Variants in MGLL observed in about 807,000 individuals in gnomAD.
The protein encoded by MGLL is lysophospholipase homolog.
MGLL carries 7 observed loss-of-function variants against 29.1 expected under a neutral mutation model. The ratio of observed to expected loss-of-function variants is 0.24; its 90% CI spans 0.14 to 0.45. The LOEUF is 0.45. MGLL is among the 20% of genes least tolerant of loss of function. The pLI, the probability that MGLL is intolerant of heterozygous loss-of-function variation, is 0.99. For missense variants in MGLL, 356 were observed against 413.6 expected, an observed-to-expected ratio of 0.86 and a Z score of 1.21; for synonymous variants, 148 against 168.3, an observed-to-expected ratio of 0.88 and a Z score of 0.93.
rs377047796 is a variant in MGLL at position 127,722,583 on chromosome 3, G to A, written c.263-17C>T. On this transcript the variant is annotated splice_polypyrimidine_tract_variant and intron_variant, in intron 3 of 7. Transcript: ENST00000265052. The stretch of plus-strand genomic sequence containing the variant: ...CGTGGCCAACTGGAAAGGAACGGGA[G>A]ATGAGAGAGAGCTGCAGTTACCAGG... 4 of 1,614,126 alleles carry A rather than the reference G, an allele frequency of 2.5e-6. No homozygotes were observed. Among genetic ancestry groups the A allele is most frequent in the Non-Finnish European group, 2.5e-6 (3 of 1,180,044 alleles).
At chr3:127,724,737 C>A (rs945048020) in intron 3 of MGLL, among the ~76,000 whole-genome samples, 1 of 152,158 alleles carries the variant, frequency 6.6e-6, no homozygotes, top group African/African-American at 2.4e-5. Context: ...AAGGCAACAC[C>A]AGGGCTGCCC....
chr3:127,764,771 C>T (rs1256846133), intron 3 of MGLL, among the ~76,000 whole-genome samples: 2 of 152,134 alleles, frequency 1.3e-5, no homozygotes, highest in African/African-American at 4.8e-5. Flanking sequence ...TGACTGGAGT[C>T]AAATCAGGTT....
intron 3 of MGLL, among the ~76,000 whole-genome samples, chr3:127,742,591 A>G (rs1251005981): frequency 3.5e-5 from 3 of 85,884 alleles, no homozygotes; most frequent in Non-Finnish European, 8.3e-5. Context: ...CTCCGTCCCA[A>G]AAAAAAAAAA....
At chr3:127,737,479 T>C (rs918670888) in intron 3 of MGLL, among the ~76,000 whole-genome samples, 1 of 150,876 alleles carries the variant, frequency 6.6e-6, no homozygotes, top group Admixed American at 6.6e-5. Context: ...ACTCAATAAA[T>C]GCCCACTGCC....
chr3:127,763,849 C>T (rs1258367306), intron 3 of MGLL, among the ~76,000 whole-genome samples: 1 of 152,176 alleles, frequency 6.6e-6, no homozygotes, highest in Non-Finnish European at 1.5e-5. Flanking sequence ...CCTCAAGGAG[C>T]AGCTAAGTTT....
chr3:127,786,111 G>A (rs1346595028), intron 2 of MGLL, among the ~76,000 whole-genome samples: 2 of 152,160 alleles, frequency 1.3e-5, no homozygotes, highest in African/African-American at 2.4e-5. Context: ...CAGCCCCAGG[G>A]GCAGCAGTGG....
At chr3:127,789,958 A>AT (rs2077273061) in intron 2 of MGLL, among the ~76,000 whole-genome samples, 2 of 152,214 alleles carry the variant, frequency 1.3e-5, no homozygotes, top group African/African-American at 4.8e-5. Context: ...CAAGCTATGT[A>AT]TTTTTTTATT....
chr3:127,725,856 A>C (rs1459327302), intron 3 of MGLL, among the ~76,000 whole-genome samples: 1 of 152,148 alleles, frequency 6.6e-6, no homozygotes, highest in Non-Finnish European at 1.5e-5. Context: ...GCTTGAGGCC[A>C]AGAGTTCACA....
chr3:127,774,741 G>A (rs1295830085), intron 3 of MGLL, among the ~76,000 whole-genome samples: 1 of 150,836 alleles, frequency 6.6e-6, no homozygotes, highest in Non-Finnish European at 1.5e-5. Context: ...AGCACCCCCA[G>A]GGGCTGTTAG....
chr3:127,817,989 C>G (rs1483269882), intron 2 of MGLL, among the ~76,000 whole-genome samples: 2 of 152,236 alleles, frequency 1.3e-5, no homozygotes, highest in Non-Finnish European at 2.9e-5. Flanking sequence ...GAGATGGAGT[C>G]TTGCTCTGTC....
chr3:127,730,907 C>T (rs1285226671), intron 3 of MGLL, among the ~76,000 whole-genome samples: 2 of 152,198 alleles, frequency 1.3e-5, no homozygotes, highest in East Asian at 3.9e-4. Context: ...CCCATGTCTG[C>T]CAGGGCCGTC....
At chr3:127,764,415 C>T (rs2076820831) in intron 3 of MGLL, among the ~76,000 whole-genome samples, 2 of 152,160 alleles carry the variant, frequency 1.3e-5, no homozygotes, top group South Asian at 4.1e-4. Flanking sequence ...GTACAGATAT[C>T]AAGGCCATAT....
rs182756160 is a variant in MGLL at position 127,787,479 on chromosome 3, G to C, written c.156-5584C>G. On this transcript the variant is annotated intron_variant, in intron 2 of 7. Coordinates refer to ENST00000265052, the MANE Select transcript of MGLL (RefSeq NM_007283.7). The stretch of plus-strand genomic sequence containing the variant: ...CCTGCCCTTGTCGAAGCAATGCCAG[G>C]CTCCCTTAAAGGAAGAACGGAATGC... Among the ~76,000 whole-genome samples, 5 of 152,340 alleles carry C rather than the reference G, an allele frequency of 3.3e-5. No individual in the cohort carries two copies. The East Asian group carries it at 7.7e-4, about 24-fold the overall frequency.
At chr3:127,731,333 TTTATTA>T (rs140919604) in intron 3 of MGLL, among the ~76,000 whole-genome samples, 3,751 of 145,420 alleles carry the variant, frequency 0.026, 82 homozygotes, top group African/African-American at 0.051. Context: ...CTTGGTGGCT[TTTATTA>T]TTATTATTAT....
chr3:127,697,728 G>C (rs2075398397), intron 6 of MGLL, among the ~76,000 whole-genome samples: 1 of 152,198 alleles, frequency 6.6e-6, no homozygotes, highest in Admixed American at 6.5e-5. Flanking sequence ...GGGCCGTGTG[G>C]ACAAGGTTCG....
chr3:127,727,100 T>C (rs1257285744), intron 3 of MGLL, among the ~76,000 whole-genome samples: 1 of 152,200 alleles, frequency 6.6e-6, no homozygotes, highest in African/African-American at 2.4e-5. Context: ...TTTCCCGTCA[T>C]GGTCTGTCAT....
chr3:127,728,104 CAATTT>C (rs2076080459), intron 3 of MGLL, among the ~76,000 whole-genome samples: 1 of 152,108 alleles, frequency 6.6e-6, no homozygotes, highest in South Asian at 2.1e-4. Context: ...TCTTGCTTTT[CAATTT>C]AATTTTCTTT....
At chr3:127,808,298 T>A (rs2077604434) in intron 2 of MGLL, among the ~76,000 whole-genome samples, 1 of 152,202 alleles carries the variant, frequency 6.6e-6, no homozygotes, top group Non-Finnish European at 1.5e-5. Context: ...TTTCAACACT[T>A]CTTAGCTTTG....
At chr3:127,742,761 A>G (rs2076368035) in intron 3 of MGLL, among the ~76,000 whole-genome samples, 1 of 152,124 alleles carries the variant, frequency 6.6e-6, no homozygotes, top group African/African-American at 2.4e-5. Flanking sequence ...CAAACAGTGG[A>G]TCAGAACATA....
Sources: gnomAD v4.1 joint callset for allele counts (sites outside exome capture counted in the v4.1 genomes callset) on GRCh38, gnomAD v4.1.1 for gene constraint, MANE v1.5 for transcripts, NCBI Gene and HGNC (gene_info 2026-07-23, HGNC 2026-07-21) for gene names.